Variants in CHST11 observed in about 807,000 individuals in gnomAD.
CHST11 encodes carbohydrate sulfotransferase 11.
Under a neutral mutation model 30.4 loss-of-function variants are expected in CHST11, and 9 were observed. The observed-to-expected ratio is 0.30, with a 90% CI of 0.18 to 0.52. CHST11 has a LOEUF of 0.52. CHST11 is among the 20% of genes least tolerant of loss of function. The pLI, the probability that CHST11 is intolerant of heterozygous loss-of-function variation, is 0.97. For synonymous variants in CHST11, 152 were observed against 187.8 expected (o/e 0.81, Z 1.56); for missense variants, 348 against 460.6 (o/e 0.76, Z 2.24).
intron 1 of CHST11, among the ~76,000 whole-genome samples, chr12:104,570,635 G>A (rs1486206413): frequency 6.6e-6 from 1 of 151,892 alleles, no homozygotes; most frequent in African/African-American, 2.4e-5. Context: ...AGAAGGAATA[G>A]CAACAGTATT....
chr12:104,753,265 T>C (rs542601772), intron 2 of CHST11, among the ~76,000 whole-genome samples: 1 of 152,318 alleles, frequency 6.6e-6, no homozygotes, highest in African/African-American at 2.4e-5. Context: ...ACGTTCTCAT[T>C]CATGTGTTGG....
At chr12:104,500,753 G>A (rs2037845663) in intron 1 of CHST11, among the ~76,000 whole-genome samples, 1 of 152,226 alleles carries the variant, frequency 6.6e-6, no homozygotes, top group African/African-American at 2.4e-5. Context: ...TTTTTGACCT[G>A]GGTTTGGTGT....
chr12:104,594,180 G>C (rs960465997), intron 1 of CHST11, among the ~76,000 whole-genome samples: 1 of 152,168 alleles, frequency 6.6e-6, no homozygotes, highest in Non-Finnish European at 1.5e-5. Context: ...GAGGGGCTTG[G>C]CCAGGCCCAG....
intron 2 of CHST11, among the ~76,000 whole-genome samples, chr12:104,646,218 G>A (rs932817046): frequency 7.2e-5 from 11 of 151,990 alleles, no homozygotes; most frequent in Admixed American, 2.0e-4. Context: ...TCCATGCCTC[G>A]CTTCCACCCC....
intron 2 of CHST11, among the ~76,000 whole-genome samples, chr12:104,731,833 C>T (rs560482470): frequency 5.2e-5 from 8 of 152,398 alleles, no homozygotes; most frequent in Non-Finnish European, 1.2e-4. Context: ...AACGCAACTG[C>T]GGCCTCCTTC....
intron 2 of CHST11, among the ~76,000 whole-genome samples, chr12:104,639,196 T>C (rs1186309): frequency 0.5 from 76,371 of 152,052 alleles, 19,569 homozygotes; most frequent in East Asian, 0.6. Flanking sequence ...ACATAACCCA[T>C]GTTGGCATTT....
intron 2 of CHST11, among the ~76,000 whole-genome samples, chr12:104,699,991 A>G (rs988789059): frequency 2.0e-5 from 3 of 152,214 alleles, no homozygotes; most frequent in Non-Finnish European, 2.9e-5. Flanking sequence ...TGTGGTGCCC[A>G]TCTCTCTTAC....
intron 1 of CHST11, among the ~76,000 whole-genome samples, chr12:104,499,889 A>G (rs1395326892): frequency 6.6e-6 from 1 of 152,176 alleles, no homozygotes; most frequent in South Asian, 2.1e-4. Flanking sequence ...TGCACCTGGT[A>G]CAGCCAGCCC....
intron 1 of CHST11, among the ~76,000 whole-genome samples, chr12:104,580,428 T>A (rs559407083): frequency 6.6e-6 from 1 of 152,326 alleles, no homozygotes; most frequent in Admixed American, 6.5e-5. Context: ...CTAAATACCA[T>A]GGGATGTAAT....
chr12:104,667,427 T>C (rs186760205), intron 2 of CHST11, among the ~76,000 whole-genome samples: 2 of 152,324 alleles, frequency 1.3e-5, no homozygotes, highest in Admixed American at 1.3e-4. Flanking sequence ...ATAAATGTCA[T>C]TGGATGACAA....
chr12:104,527,693 A>C (rs1170195259), intron 1 of CHST11, among the ~76,000 whole-genome samples: 1 of 152,216 alleles, frequency 6.6e-6, no homozygotes, highest in Non-Finnish European at 1.5e-5. Context: ...GCTATGCCCA[A>C]CTTAGTGCTC....
At chr12:104,684,288 AT>A (rs2039825252) in intron 2 of CHST11, among the ~76,000 whole-genome samples, 1 of 151,922 alleles carries the variant, frequency 6.6e-6, no homozygotes, top group Non-Finnish European at 1.5e-5. Context: ...GGATGGATGG[AT>A]GGATGGATGG....
chr12:104,560,676 A>C (rs2038504979), intron 1 of CHST11, among the ~76,000 whole-genome samples: 1 of 152,114 alleles, frequency 6.6e-6, no homozygotes, highest in Non-Finnish European at 1.5e-5. Flanking sequence ...TTGTCATTTA[A>C]CCTCTACAAG....
Position 104,757,033 on chromosome 12 carries a change from C to G in CHST11, c.289C>G (p.Arg97Gly). ...DTCRANSATS[R>G]KRRVLTPNDL... ...GTGCCGAGCCAACAGCGCCACAAGC[C>G]GTAAGCGGAGGGTGCTGACCCCCAA... Residue 97 changes from arginine (R) to glycine (G), a missense_variant, in exon 3 of 3, where the codon CGT becomes GGT. Physicochemically the swap from Arg to Gly is moderately radical, Grantham distance 125. Transcript: ENST00000303694. The surrounding 1 kb of genome is among the most constrained non-coding windows in gnomAD (Gnocchi z 6.5). 6.2e-7 allele frequency: 1 copy of G among 1,614,064 alleles called. No homozygotes were observed. Among genetic ancestry groups the G allele is most frequent in the Non-Finnish European group, 8.5e-7 (1 of 1,180,026 alleles).
At chr12:104,750,455 T>TTTTTTTTTTTTTTTTTTTG in intron 2 of CHST11, among the ~76,000 whole-genome samples, 3 of 117,468 alleles carry the variant, frequency 2.6e-5, no homozygotes, top group Admixed American at 8.7e-5. Context: ...TTTTTTTTTT[T>TTTTTTTTTTTTTTTTTTTG]TGTTGAGACT....
intron 2 of CHST11, among the ~76,000 whole-genome samples, chr12:104,635,374 G>A (rs1014684636): frequency 1.3e-5 from 2 of 152,160 alleles, no homozygotes; most frequent in African/African-American, 4.8e-5. Flanking sequence ...CTGGCCTTCC[G>A]GTGGCACACG....
chr12:104,615,891 G>C lies in CHST11; in HGVS notation c.204+13900G>C, dbSNP rs567858471. On this transcript the variant is annotated intron_variant, in intron 2 of 2. Coordinates refer to ENST00000303694, the MANE Select transcript of CHST11 (RefSeq NM_018413.6). ...TGCAGTGAGCCAAGATCACACCACT[G>C]CACTGCAGCCTGGGTGACAGAGCAA... Among the ~76,000 whole-genome samples the C allele has an allele frequency of 5.9e-5, 9 of 152,250 alleles. 1 individual carries two copies. In the East Asian group the frequency reaches 1.7e-3, roughly 29 times the overall value.
chr12:104,683,745 G>A (rs1156240734), intron 2 of CHST11, among the ~76,000 whole-genome samples: 1 of 152,188 alleles, frequency 6.6e-6, no homozygotes, highest in East Asian at 1.9e-4. Context: ...CATCCCTTGG[G>A]CGCATTGCCG....
At chr12:104,642,070 T>A (rs79844148) in intron 2 of CHST11, among the ~76,000 whole-genome samples, 1,896 of 152,270 alleles carry the variant, frequency 0.012, 27 homozygotes, top group East Asian at 0.047. Context: ...AACAGAGTCA[T>A]CTGATCCTGT....
Sources: gnomAD v4.1 joint callset for allele counts (sites outside exome capture counted in the v4.1 genomes callset) on GRCh38, gnomAD v4.1.1 for gene constraint, Gnocchi (gnomAD v3.1) non-coding constraint, MANE v1.5 for transcripts, NCBI Gene and HGNC (gene_info 2026-07-23, HGNC 2026-07-21) for gene names.